SH2B3: variants seen among roughly 807,000 people sequenced by gnomAD.
The protein encoded by SH2B3 is SH2B adapter protein 3.
A neutral mutation model predicts 51.9 loss-of-function variants in SH2B3; 43 were observed. That is an observed-to-expected ratio of 0.83 (90% CI 0.65 to 1.07). SH2B3 has a LOEUF of 1.07. Among genes scored for constraint, SH2B3 ranks in the 50% least tolerant of loss-of-function variants. SH2B3 has a pLI of 0.00. For missense variants in SH2B3, 952 were observed against 834.3 expected (o/e 1.14, Z -1.74); for synonymous variants, 396 against 376.0 (o/e 1.05, Z -0.62).
At chr12:111,437,171 G>A (rs1228677236) in intron 2 of SH2B3, among the ~76,000 whole-genome samples, 4 of 152,202 alleles carry the variant, frequency 2.6e-5, no homozygotes, top group Non-Finnish European at 4.4e-5. Flanking sequence ...GCCCAGAGGA[G>A]GTGCTTGGAG....
At chr12:111,423,450 A>C (rs1235278064) in intron 2 of SH2B3, among the ~76,000 whole-genome samples, 1 of 152,004 alleles carries the variant, frequency 6.6e-6, no homozygotes, top group Non-Finnish European at 1.5e-5. Context: ...GCTCACTGCC[A>C]GCTCCGCCTC....
At chr12:111,413,088 G>A (rs1020914212) in intron 1 of SH2B3, among the ~76,000 whole-genome samples, 3 of 152,168 alleles carry the variant, frequency 2.0e-5, no homozygotes, top group African/African-American at 7.2e-5. Flanking sequence ...CATTTTGGGG[G>A]TCCCTTCTGT....
intron 3 of SH2B3, 38 bp from the exon 4 acceptor site, chr12:111,446,904 T>C (rs754926967): frequency 6.2e-7 from 1 of 1,605,184 alleles, no homozygotes. Flanking sequence ...TACATACACA[T>C]ACAGCAGACC....
chr12:111,420,282 C>T (rs739497), intron 2 of SH2B3, among the ~76,000 whole-genome samples: 30,432 of 150,092 alleles, frequency 0.2, 3,174 homozygotes, highest in East Asian at 0.32. Flanking sequence ...GTGGGAAGAT[C>T]GCTTGAGCCC....
At chr12:111,415,285 G>A (rs1344303200) in intron 1 of SH2B3, among the ~76,000 whole-genome samples, 2 of 152,180 alleles carry the variant, frequency 1.3e-5, no homozygotes, top group African/African-American at 2.4e-5. Context: ...CTTGAAGAGC[G>A]ACATGGATAT....
Position 111,448,233 on chromosome 12 carries a change from G to C in SH2B3, c.1659G>C (p.Ser553=), listed in dbSNP as rs369151728. ...EHEPVNRARD[S]DYEMDSSSRS... is the part of the protein sequence containing the mutation. ...AGCCTGTGAATCGAGCCCGGGACTCGGACTACGAAATGGACTCATCCTCCC... is the reference window on the plus strand; with the variant it reads ...AGCCTGTGAATCGAGCCCGGGACTCCGACTACGAAATGGACTCATCCTCCC... Residue 553 remains serine (S), a synonymous_variant, in exon 8 of 8, where the codon TCG becomes TCC. Coordinates refer to ENST00000341259, the MANE Select transcript of SH2B3 (RefSeq NM_005475.3). 1 of 1,614,120 alleles carries C rather than the reference G, an allele frequency of 6.2e-7. No individual in the cohort carries two copies. Among genetic ancestry groups the C allele is most frequent in the Non-Finnish European group, 8.5e-7 (1 of 1,180,002 alleles).
intron 2 of SH2B3, among the ~76,000 whole-genome samples, chr12:111,433,277 G>A (rs2135576281): frequency 6.6e-6 from 1 of 152,284 alleles, no homozygotes; most frequent in Admixed American, 6.5e-5. Flanking sequence ...CTTGAACCCA[G>A]GAGGTGGAGG....
chr12:111,437,447 G>C (rs942181110), intron 2 of SH2B3, among the ~76,000 whole-genome samples: 1 of 152,202 alleles, frequency 6.6e-6, no homozygotes, highest in Non-Finnish European at 1.5e-5. Flanking sequence ...AATGAACAGG[G>C]TGGTGGGGGT....
chr12:111,420,367 CAAAAAAAA>C (rs59301682), intron 2 of SH2B3, among the ~76,000 whole-genome samples: 4 of 64,476 alleles, frequency 6.2e-5, no homozygotes, highest in East Asian at 4.4e-4. Context: ...GACCCTGTCT[CAAAAAAAA>C]AAAAAAAAAA....
rs1043752706 is a variant in SH2B3 at position 111,433,762 on chromosome 12, T to TTTTTG, written c.733-12971_733-12967dup. ...TTTTCACTACACTACGTGATGTGGT[T>TTTTTG]TTTTGTTTTGTTTTGTTTTGTTTTT... On this transcript the variant is annotated intron_variant, in intron 2 of 7. Coordinates refer to ENST00000341259, the MANE Select transcript of SH2B3 (RefSeq NM_005475.3). 1.2e-3 allele frequency among the ~76,000 whole-genome samples: 178 copies of TTTTTG among 152,186 alleles called. 1 individual carries two copies. The highest frequency in any genetic ancestry group is 3.9e-3 in the African/African-American group (163 of 41,522).
intron 2 of SH2B3, among the ~76,000 whole-genome samples, chr12:111,427,527 C>G (rs1472413478): frequency 6.6e-6 from 1 of 152,076 alleles, no homozygotes; most frequent in Admixed American, 6.6e-5. Context: ...CAGTGGGGGC[C>G]CTGGGGAAGG....
chr12:111,419,196 G>C (rs1482826962), intron 2 of SH2B3, among the ~76,000 whole-genome samples: 1 of 152,080 alleles, frequency 6.6e-6, no homozygotes, highest in East Asian at 1.9e-4. Context: ...CCAGCTGTTC[G>C]GGAGACTGAG....
intron 2 of SH2B3, among the ~76,000 whole-genome samples, chr12:111,427,444 G>A (rs1481594211): frequency 2.0e-5 from 3 of 151,212 alleles, no homozygotes; most frequent in African/African-American, 4.9e-5. Flanking sequence ...GTGCCAGGCC[G>A]GCATTGGAGG....
At chr12:111,425,508 G>C (rs1214893524) in intron 2 of SH2B3, among the ~76,000 whole-genome samples, 1 of 152,154 alleles carries the variant, frequency 6.6e-6, no homozygotes, top group Non-Finnish European at 1.5e-5. Flanking sequence ...CGTGAACCAG[G>C]CAAGTCTGTG....
At position 111,409,486 on chromosome 12, in the gene SH2B3, G is replaced by A. The variant is rs1440586488; in HGVS notation, c.-28+3209G>A. Among the ~76,000 whole-genome samples the A allele has an allele frequency of 6.6e-6, 1 of 152,202 alleles. No individual in the cohort carries two copies. Among genetic ancestry groups the A allele is most frequent in the Non-Finnish European group, 1.5e-5 (1 of 68,030 alleles). ...GAAGCCGCTGCCGTCTGGCAGACCG[G>A]AGACGCCTGCCTCGGCGAGTCCAGA... On this transcript the variant is annotated intron_variant, in intron 1 of 7. Coordinates refer to ENST00000341259, the MANE Select transcript of SH2B3 (RefSeq NM_005475.3). This position sits in a 1 kb window ranked among gnomAD's most constrained non-coding sequence, Gnocchi z 4.0.
rs190879031 is a variant in SH2B3, at chr12:111,410,667, A to C, written c.-28+4390A>C. Among the ~76,000 whole-genome samples the C allele has an allele frequency of 8.5e-5, 13 of 152,290 alleles. No individual in the cohort carries two copies. The East Asian group carries it at 2.1e-3, about 25-fold the overall frequency. ...CCCCGGGGCACAAGGTGACCCCAGCAAGGGTGCATCAGTGTCCAGCCAGCT... is the reference window on the plus strand; with the variant it reads ...CCCCGGGGCACAAGGTGACCCCAGCCAGGGTGCATCAGTGTCCAGCCAGCT... On this transcript the variant is annotated intron_variant, in intron 1 of 7. Transcript: ENST00000341259. The surrounding 1 kb of genome is among the most constrained non-coding windows in gnomAD (Gnocchi z 4.9).
chr12:111,439,002 C>T (rs373833867), intron 2 of SH2B3, among the ~76,000 whole-genome samples: 1 of 152,204 alleles, frequency 6.6e-6, no homozygotes. Context: ...CAGTCTTGCT[C>T]TGTTGCCCAG....
rs541146343 is a variant in SH2B3, at chr12:111,417,275, T to C, written c.-27-844T>C. On this transcript the variant is annotated intron_variant, in intron 1 of 7. Transcript: ENST00000341259. ...AAATATGTAGCAGGGAGCAAGTATT[T>C]CTCTTGAATACTTAAAAGTGGGATT... Among the ~76,000 whole-genome samples, 48 of 152,274 alleles carry C rather than the reference T, an allele frequency of 3.2e-4. 1 individual carries two copies. The highest frequency in any genetic ancestry group is 1.1e-3 in the African/African-American group (46 of 41,552).
intron 2 of SH2B3, among the ~76,000 whole-genome samples, chr12:111,434,204 A>G (rs1872682580): frequency 6.6e-6 from 1 of 152,222 alleles, no homozygotes; most frequent in African/African-American, 2.4e-5. Flanking sequence ...TTTAAATTGT[A>G]CAATGCATTG....
Sources: allele counts gnomAD v4.1 joint callset (sites outside exome capture counted in the v4.1 genomes callset), GRCh38; gene constraint gnomAD v4.1.1; non-coding constraint Gnocchi (gnomAD v3.1); transcripts MANE v1.5; gene names NCBI Gene and HGNC (gene_info 2026-07-23, HGNC 2026-07-21).